Variants in RETREG2 observed in about 807,000 individuals in gnomAD.
The protein encoded by RETREG2 is reticulophagy regulator family member 2, also known as reticulophagy regulator 2.
Under a neutral mutation model 51.6 loss-of-function variants are expected in RETREG2, and 21 were observed. The observed-to-expected ratio is 0.41, with a 90% CI of 0.29 to 0.59. The LOEUF is 0.59. Among genes scored for constraint, RETREG2 ranks in the 20% least tolerant of loss-of-function variants. The pLI is 0.34. For synonymous variants in RETREG2, 339 were observed against 288.6 expected (o/e 1.17, Z -1.77); for missense variants, 674 against 646.0 (o/e 1.04, Z -0.47).
chr2:219,180,357 G>T, intron 4 of RETREG2, 112 bp downstream of exon 4: 1 of 1,405,220 alleles, frequency 7.1e-7, no homozygotes, highest in Non-Finnish European at 9.8e-7. Context: ...GAAAGAAGAG[G>T]CCTGGGCGCC....
chr2:219,181,595 C>T (rs1262996209), intron 7 of RETREG2, 45 bp from the exon 8 acceptor site: 2 of 1,608,170 alleles, frequency 1.2e-6, no homozygotes, highest in East Asian at 2.2e-5. Flanking sequence ...TAAATTGGTT[C>T]TCTTATCCCC....
At chr2:219,181,501 C>T in intron 7 of RETREG2, 38 bp downstream of exon 7, 1 of 1,609,132 alleles carries the variant, frequency 6.2e-7, no homozygotes, top group Non-Finnish European at 8.5e-7. Flanking sequence ...AAATAGAAAG[C>T]CAGAGGAAAA....
intron 5 of RETREG2, 39 bp from the exon 6 acceptor site, chr2:219,181,023 T>A: frequency 1.9e-6 from 3 of 1,607,694 alleles, no homozygotes; most frequent in Non-Finnish European, 2.6e-6. Flanking sequence ...CTTAGGAAAT[T>A]GGCGTAGGGA....
In RETREG2 at chr2:219,181,058, A is replaced by G; in HGVS notation, c.641-4A>G. ...AGCTCTTAGTTCACGTTCTTAACCC[A>G]TAGTGTTGAGTATCCTGCTGTGGCC... On this transcript the variant is annotated splice_region_variant and splice_polypyrimidine_tract_variant and intron_variant, in intron 5 of 8. Transcript: ENST00000430297. 6.2e-7 allele frequency: 1 copy of G among 1,614,070 alleles called. No homozygotes were observed. Among genetic ancestry groups the G allele is most frequent in the East Asian group, 2.2e-5 (1 of 44,884 alleles).
At chr2:219,179,069 G>A in intron 2 of RETREG2, 41 bp downstream of exon 2, 4 of 1,421,332 alleles carry the variant, frequency 2.8e-6, no homozygotes, top group Non-Finnish European at 4.0e-6. Flanking sequence ...TTGGGTACTT[G>A]CTTGGTGCCT....
In RETREG2 at chr2:219,179,017, C is replaced by T. The variant is rs748071753; in HGVS notation, c.377C>T (p.Pro126Leu). ...GATCTCTGGCAGCCTCGCTTTCTCCCTGACGTTTCAGGTGAGTGTTTCTTC... is the reference window on the plus strand; with the variant it reads ...GATCTCTGGCAGCCTCGCTTTCTCCTTGACGTTTCAGGTGAGTGTTTCTTC... ...LLDLWQPRFL[P>L]DVSASSPEEP... Residue 126 changes from proline to leucine, a missense_variant, in exon 2 of 9, where the codon CCT (proline) becomes CTT (leucine). Physicochemically the swap from Pro to Leu is moderately conservative, Grantham distance 98. Transcript: ENST00000430297. The T allele has an allele frequency of 6.8e-6, 11 of 1,610,628 alleles. No homozygotes were observed. The highest frequency in any genetic ancestry group is 9.3e-6 in the Non-Finnish European group (11 of 1,176,984).
intron 1 of RETREG2, 53 bp from the exon 2 acceptor site, chr2:219,178,869 A>G (rs1405735632): frequency 3.3e-5 from 44 of 1,341,730 alleles, no homozygotes; most frequent in South Asian, 2.5e-4. Flanking sequence ...TCTGAGATGG[A>G]TGCATGAGCC....
At position 219,178,332 on chromosome 2, in the gene RETREG2, G is replaced by A. The variant is rs1397822621; in HGVS notation, c.-21G>A. 9.9e-6 allele frequency: 4 copies of A among 403,142 alleles called. No individual in the cohort carries two copies. Among genetic ancestry groups the A allele is most frequent in the Admixed American group, 8.9e-5 (2 of 22,428 alleles). The allele number at this position is 403,142 out of a possible 1,614,324, so 25.0% of individuals were successfully genotyped here. A position where few individuals can be genotyped will look rare whatever the true frequency, so the allele number is the denominator to read the frequency against. The stretch of plus-strand genomic sequence containing the variant: ...GCAGCCCTGGCTCCTCGCGGGCTCG[G>A]GCGGCGGCTGCGGCGGGGCTATGGC... On this transcript the variant is annotated 5_prime_UTR_variant, in exon 1 of 9. Coordinates refer to ENST00000430297, the MANE Select transcript of RETREG2 (RefSeq NM_024293.6).
chr2:219,179,984 C>A, intron 3 of RETREG2, 126 bp from the exon 4 acceptor site: 1 of 1,353,064 alleles, frequency 7.4e-7, no homozygotes, highest in Non-Finnish European at 1.0e-6. Flanking sequence ...ACCAGGACAG[C>A]CTCCTTTTGA....
rs539003401 is a variant in RETREG2 at position 219,180,119 on chromosome 2, G to A, written c.429G>A (p.Ala143=). Residue 143 remains alanine (A), a synonymous_variant, in exon 4 of 9, where the codon GCG becomes GCA. Coordinates refer to ENST00000430297, the MANE Select transcript of RETREG2 (RefSeq NM_024293.6). ...TGTCATGTCTCCCCAGTGAGGGTGC[G>A]GGGTCAGGCGCCCGGCCGCACCTGC... is the stretch of plus-strand genomic sequence containing the variant. The part of the protein sequence containing the change: ...PEEPHSDSEG[A]GSGARPHLLS... 1.7e-5 allele frequency: 28 copies of A among 1,614,032 alleles called. No homozygotes were observed. In the South Asian group the frequency reaches 1.8e-4, roughly 10 times the overall value.
At position 219,182,472 on chromosome 2, in the gene RETREG2, T is replaced by C; in HGVS notation, c.1475T>C (p.Phe492Ser). The part of the protein sequence containing the change: ...EEEEALTTED[F>S]ELLDQGELEQ... ...GAAGAGGCACTCACCACTGAGGACTTTGAGTTGCTGGATCAGGGGGAGCTG... is the reference window on the plus strand; with the variant it reads ...GAAGAGGCACTCACCACTGAGGACTCTGAGTTGCTGGATCAGGGGGAGCTG... The change falls in exon 9 of 9, where the codon TTT (phenylalanine) becomes TCT (serine). Residue 492 changes from phenylalanine (F) to serine (S), a missense_variant. By Grantham distance (155) the Phe-to-Ser change is radical (BLOSUM62 -2). Transcript: ENST00000430297. 1.2e-6 allele frequency: 2 copies of C among 1,613,868 alleles called. No individual in the cohort carries two copies. Among genetic ancestry groups the C allele is most frequent in the Non-Finnish European group, 1.7e-6 (2 of 1,179,956 alleles).
At chr2:219,180,024 A>C in intron 3 of RETREG2, 86 bp from the exon 4 acceptor site, 2 of 1,551,720 alleles carry the variant, frequency 1.3e-6, no homozygotes, top group African/African-American at 1.4e-5. Flanking sequence ...TTTTAGACTA[A>C]AGATATCTTT....
rs1464676237 is a variant in RETREG2 at position 219,178,870 on chromosome 2, T to G, written c.282-52T>G. ...GCGCCTTTCCACCTTCTGAGATGGATGCATGAGCCTGTCTCACCCACTCAC... is the reference window on the plus strand; with the variant it reads ...GCGCCTTTCCACCTTCTGAGATGGAGGCATGAGCCTGTCTCACCCACTCAC... On this transcript the variant is annotated intron_variant, in intron 1 of 8. Coordinates refer to ENST00000430297, the MANE Select transcript of RETREG2 (RefSeq NM_024293.6). The G allele has an allele frequency of 5.2e-6, 7 of 1,343,140 alleles. No individual in the cohort carries two copies. The Admixed American group carries it at 7.4e-5, about 14-fold the overall frequency. 83.2% of individuals were successfully genotyped at this position (1,343,140 alleles called of 1,614,324 possible). A position where few individuals can be genotyped will look rare whatever the true frequency, so the allele number is the denominator to read the frequency against.
intron 2 of RETREG2, 86 bp from the exon 3 acceptor site, chr2:219,179,647 C>T: frequency 7.5e-7 from 1 of 1,324,780 alleles, no homozygotes; most frequent in South Asian, 1.2e-5. Context: ...TCTGGGGCTG[C>T]AGAGGAGGGA....
rs747847866 is a variant in RETREG2 at position 219,182,379 on chromosome 2, C to G, written c.1382C>G (p.Ala461Gly). The change falls in exon 9 of 9, where the codon GCC becomes GGC. Residue 461 changes from alanine to glycine, a missense_variant. Ala to Gly is a moderately conservative substitution (Grantham distance 60). Coordinates refer to ENST00000430297, the MANE Select transcript of RETREG2 (RefSeq NM_024293.6). Reference protein sequence around the residue: ...PPLCLVGSDPAPSPSILPPVP... With the variant: ...PPLCLVGSDPGPSPSILPPVP... ...CTTTGCCTTGTTGGAAGTGACCCAG[C>G]CCCCTCCCCTTCCATTCTCCCACCT... The G allele has an allele frequency of 1.9e-6, 3 of 1,614,040 alleles. No individual in the cohort carries two copies. The highest frequency in any genetic ancestry group is 2.2e-5 in the East Asian group (1 of 44,856).
chr2:219,180,267 A>G, intron 4 of RETREG2, 22 bp downstream of exon 4: 1 of 1,613,994 alleles, frequency 6.2e-7, no homozygotes, highest in South Asian at 1.1e-5. Context: ...TACATCATAC[A>G]ACAGTTCACT....
rs185550115 is a variant in RETREG2, at chr2:219,182,648, A to T, written c.*19A>T. ...GCCATGAGCCAGCCGTTGAGGAAGG[A>T]GCTGCAGGCACAGTAGGGCTTCCTG... On this transcript the variant is annotated 3_prime_UTR_variant, in exon 9 of 9. Transcript: ENST00000430297. 3.7e-4 allele frequency: 601 copies of T among 1,611,264 alleles called. 2 individuals are homozygous for T. In the African/African-American group the frequency reaches 7.2e-3, roughly 19 times the overall value.
At chr2:219,178,834 C>T (rs1162745487) in intron 1 of RETREG2, 88 bp from the exon 2 acceptor site, 5 of 1,120,746 alleles carry the variant, frequency 4.5e-6, no homozygotes, top group Admixed American at 2.1e-5. Context: ...GTGCCATTAC[C>T]CCATCAGTAG....
rs773339301 is a variant in RETREG2 at position 219,179,791 on chromosome 2, A to G, written c.419+28A>G. On this transcript the variant is annotated intron_variant, in intron 3 of 8. Transcript: ENST00000430297. ...GAGTACAGGCCACCTCTTGAAGACAAATGCCCACATCCTGTCCTGCTTGCT... is the reference window on the plus strand; with the variant it reads ...GAGTACAGGCCACCTCTTGAAGACAGATGCCCACATCCTGTCCTGCTTGCT... The G allele has an allele frequency of 3.7e-6, 6 of 1,609,082 alleles. No homozygotes were observed. In the African/African-American group the frequency reaches 4.0e-5, roughly 11 times the overall value.
Sources: allele counts gnomAD v4.1 joint callset, GRCh38; gene constraint gnomAD v4.1.1; transcripts MANE v1.5; gene names NCBI Gene and HGNC (gene_info 2026-07-23, HGNC 2026-07-21).